The following UBE2E2 variants were observed in gnomAD, a reference collection of about 807,000 sequenced individuals.
UBE2E2 encodes ubiquitin-conjugating enzyme E2 E2.
UBE2E2 carries 6 observed loss-of-function variants against 24.7 expected under a neutral mutation model. The ratio of observed to expected loss-of-function variants is 0.24; its 90% CI spans 0.13 to 0.48. UBE2E2 has a LOEUF of 0.48. Ranked by LOEUF, UBE2E2 falls within the 20% of genes least tolerant of loss-of-function variation. The pLI is 0.99. For missense variants in UBE2E2, 169 were observed against 245.0 expected (o/e 0.69, Z 2.07); for synonymous variants, 104 against 83.6 (o/e 1.24, Z -1.33).
intron 3 of UBE2E2, among the ~76,000 whole-genome samples, chr3:23,409,022 A>G (rs1303844918): frequency 6.6e-6 from 1 of 152,114 alleles, no homozygotes; most frequent in Non-Finnish European, 1.5e-5. Context: ...TGATTATTAC[A>G]CCATGACAAG....
intron 3 of UBE2E2, among the ~76,000 whole-genome samples, chr3:23,377,102 C>G (rs1392465932): frequency 6.6e-6 from 1 of 152,148 alleles, no homozygotes; most frequent in Non-Finnish European, 1.5e-5. Flanking sequence ...TATATTCACC[C>G]AAACATACAT....
At chr3:23,298,827 CT>C (rs1452335635) in intron 3 of UBE2E2, among the ~76,000 whole-genome samples, 1 of 152,122 alleles carries the variant, frequency 6.6e-6, no homozygotes, top group African/African-American at 2.4e-5. Context: ...AGGATTCCCT[CT>C]TTTTCTATTG....
chr3:23,207,988 A>G (rs1194649128), intron 1 of UBE2E2, among the ~76,000 whole-genome samples: 1 of 152,102 alleles, frequency 6.6e-6, no homozygotes, highest in Non-Finnish European at 1.5e-5. Flanking sequence ...GTCACTCTTC[A>G]CTACTCTCCC....
At chr3:23,455,824 G>A (rs897261387) in intron 3 of UBE2E2, among the ~76,000 whole-genome samples, 1 of 152,174 alleles carries the variant, frequency 6.6e-6, no homozygotes, top group Admixed American at 6.5e-5. Context: ...CAAGGTGGTG[G>A]TTGCTGAAGG....
At chr3:23,409,781 TC>T (rs1385955710) in intron 3 of UBE2E2, among the ~76,000 whole-genome samples, 2 of 151,796 alleles carry the variant, frequency 1.3e-5, no homozygotes, top group East Asian at 2.0e-4. Flanking sequence ...TGTGGAAAAA[TC>T]CTTTCTTGCC....
intron 3 of UBE2E2, among the ~76,000 whole-genome samples, chr3:23,249,810 C>T (rs967870931): frequency 6.6e-6 from 1 of 152,090 alleles, no homozygotes; most frequent in Non-Finnish European, 1.5e-5. Context: ...CACCCGCCAC[C>T]ACACCTGGCT....
At chr3:23,506,882 C>T (rs1013670414) in intron 4 of UBE2E2, among the ~76,000 whole-genome samples, 9 of 152,194 alleles carry the variant, frequency 5.9e-5, no homozygotes, top group Non-Finnish European at 5.9e-5. Flanking sequence ...ATCCGTCCGC[C>T]TCAGCGTTTC....
At chr3:23,499,795 A>G (rs1699680600) in intron 4 of UBE2E2, 55 bp downstream of exon 4, 5 of 1,576,592 alleles carry the variant, frequency 3.2e-6, no homozygotes, top group East Asian at 2.3e-5. Flanking sequence ...TTCTAGATAC[A>G]TATACTTATT....
chr3:23,432,919 GAC>G (rs1379497562), intron 3 of UBE2E2, among the ~76,000 whole-genome samples: 1 of 151,702 alleles, frequency 6.6e-6, no homozygotes, highest in Non-Finnish European at 1.5e-5. Flanking sequence ...TATAAGAATA[GAC>G]ACTTCGATAT....
At chr3:23,436,102 C>T (rs1698175379) in intron 3 of UBE2E2, among the ~76,000 whole-genome samples, 1 of 152,126 alleles carries the variant, frequency 6.6e-6, no homozygotes, top group Admixed American at 6.5e-5. Flanking sequence ...CCCAGCCGCT[C>T]ACCTCCTGCT....
intron 3 of UBE2E2, among the ~76,000 whole-genome samples, chr3:23,370,357 G>A (rs1559364293): frequency 6.6e-6 from 1 of 152,146 alleles, no homozygotes; most frequent in Non-Finnish European, 1.5e-5. Context: ...TAGCATCTTA[G>A]AGTCAAAACA....
chr3:23,258,713 A>T (rs1575510709), intron 3 of UBE2E2, among the ~76,000 whole-genome samples: 1 of 151,812 alleles, frequency 6.6e-6, no homozygotes, highest in African/African-American at 2.4e-5. Context: ...CTAACATGGT[A>T]AAACCTTGTC....
intron 5 of UBE2E2, among the ~76,000 whole-genome samples, chr3:23,537,274 C>T (rs1381266667): frequency 6.6e-6 from 1 of 152,172 alleles, no homozygotes; most frequent in Non-Finnish European, 1.5e-5. Context: ...CTTTGTCTGT[C>T]TCTCTTCAAA....
chr3:23,532,576 A>G lies in UBE2E2; in HGVS notation c.383A>G (p.Tyr128Cys), dbSNP rs760893735. 8 of 1,535,602 alleles carry G rather than the reference A, an allele frequency of 5.2e-6. No individual in the cohort carries two copies. The highest frequency in any genetic ancestry group is 2.3e-5 in the East Asian group (1 of 44,072). ...TAGGTTACCTTCCGAACAAGAATCTATCACTGTAATATTAACAGCCAAGGT... is the reference window on the plus strand; with the variant it reads ...TAGGTTACCTTCCGAACAAGAATCTGTCACTGTAATATTAACAGCCAAGGT... Reference protein sequence around the residue: ...PPKVTFRTRIYHCNINSQGVI... With the variant: ...PPKVTFRTRICHCNINSQGVI... Residue 128 changes from tyrosine to cysteine, a missense_variant, in exon 5 of 6, where the codon TAT becomes TGT. By Grantham distance (194) the Tyr-to-Cys change is radical. This residue lies in a region of UBE2E2 where 105 missense variants were observed against 180.7 expected (regional missense o/e 0.58). Transcript: ENST00000396703.
At chr3:23,413,360 T>C (rs1393772923) in intron 3 of UBE2E2, among the ~76,000 whole-genome samples, 2 of 152,126 alleles carry the variant, frequency 1.3e-5, no homozygotes, top group Non-Finnish European at 2.9e-5. Context: ...GACCTTTTTT[T>C]CCCAAATGAT....
chr3:23,476,165 A>G (rs948136645), intron 3 of UBE2E2, among the ~76,000 whole-genome samples: 1 of 151,948 alleles, frequency 6.6e-6, no homozygotes. Flanking sequence ...ACTTTCCTCA[A>G]TATTGGGTTG....
chr3:23,396,932 A>T (rs375478954), intron 3 of UBE2E2, among the ~76,000 whole-genome samples: 1 of 152,158 alleles, frequency 6.6e-6, no homozygotes, highest in Non-Finnish European at 1.5e-5. Context: ...AAGGTGAACA[A>T]TAGAGTGTGA....
At chr3:23,290,890 A>T (rs889185924) in intron 3 of UBE2E2, among the ~76,000 whole-genome samples, 2 of 45,000 alleles carry the variant, frequency 4.4e-5, no homozygotes, top group East Asian at 5.8e-4. Context: ...CTGTGTGTCT[A>T]AAAAAAAAAA....
intron 3 of UBE2E2, among the ~76,000 whole-genome samples, chr3:23,350,173 G>A (rs1245980075): frequency 6.6e-6 from 1 of 152,132 alleles, no homozygotes; most frequent in African/African-American, 2.4e-5. Flanking sequence ...GCAGCTGAGG[G>A]TCCTGTCTGT....
Sources: gnomAD v4.1 joint callset for allele counts (sites outside exome capture counted in the v4.1 genomes callset) on GRCh38, gnomAD v4.1.1 for gene constraint, gnomAD v4.1.1 regional missense constraint, MANE v1.5 for transcripts, NCBI Gene and HGNC (gene_info 2026-07-23, HGNC 2026-07-21) for gene names.